The following TMTC2 variants were observed in gnomAD, a reference collection of about 807,000 sequenced individuals.
TMTC2 encodes protein O-mannosyl-transferase TMTC2.
A neutral mutation model predicts 82.4 loss-of-function variants in TMTC2; 43 were observed. The observed-to-expected ratio is 0.52, with a 90% confidence interval of 0.41 to 0.67. The LOEUF is 0.67. Ranked by LOEUF, TMTC2 falls within the 30% of genes least tolerant of loss-of-function variation. The pLI is 0.00. For missense variants in TMTC2, 919 were observed against 1,012.4 expected (o/e 0.91, Z 1.25); for synonymous variants, 408 against 381.9 (o/e 1.07, Z -0.80).
chr12:82,930,392 T>A (rs1875963075), intron 3 of TMTC2, 39 bp from the exon 4 acceptor site: 5 of 1,240,994 alleles, frequency 4.0e-6, no homozygotes, highest in Non-Finnish European at 5.8e-6. Flanking sequence ...TATAATTGGA[T>A]TGATGCTCAG....
chr12:82,875,846 A>G (rs1040820210), intron 2 of TMTC2, among the ~76,000 whole-genome samples: 16 of 149,144 alleles, frequency 1.1e-4, no homozygotes, highest in African/African-American at 3.7e-4. Flanking sequence ...AGATTTATTC[A>G]TTGCTCTTAG....
chr12:82,712,301 G>C (rs557713016), intron 1 of TMTC2, among the ~76,000 whole-genome samples: 1 of 151,968 alleles, frequency 6.6e-6, no homozygotes, highest in African/African-American at 2.4e-5. Flanking sequence ...GTGGTGGCAC[G>C]CGCCTGTAAT....
At chr12:82,810,793 T>A (rs905153314) in intron 1 of TMTC2, among the ~76,000 whole-genome samples, 28 of 152,048 alleles carry the variant, frequency 1.8e-4, no homozygotes, top group Admixed American at 1.6e-3. Context: ...TCTCACAAGA[T>A]CTGATGGTTT....
chr12:82,786,822 A>G (rs755058158), intron 1 of TMTC2, among the ~76,000 whole-genome samples: 1 of 152,230 alleles, frequency 6.6e-6, no homozygotes, highest in Middle Eastern at 3.4e-3. Context: ...TGTACTAGGG[A>G]TCTTACAATA....
chr12:83,051,223 G>A (rs1882333519), intron 10 of TMTC2, among the ~76,000 whole-genome samples: 1 of 152,142 alleles, frequency 6.6e-6, no homozygotes, highest in African/African-American at 2.4e-5. Context: ...TGTGATCCAG[G>A]ACAGCTTTGA....
chr12:83,115,755 A>G (rs933039662), intron 11 of TMTC2, among the ~76,000 whole-genome samples: 11 of 152,182 alleles, frequency 7.2e-5, no homozygotes, highest in African/African-American at 2.7e-4. Flanking sequence ...TCACCCGGGC[A>G]GTATACACTG....
intron 6 of TMTC2, chr12:82,966,070 A>T (rs1008300500): frequency 1.4e-4 from 44 of 306,014 alleles, no homozygotes; most frequent in South Asian, 6.7e-4. Flanking sequence ...TTCTTTGCTC[A>T]CCATTTCTTT....
chr12:82,746,434 G>A (rs898575865), intron 1 of TMTC2, among the ~76,000 whole-genome samples: 11 of 152,250 alleles, frequency 7.2e-5, no homozygotes, highest in African/African-American at 2.6e-4. Context: ...TTTATGGGAT[G>A]CATCATATTT....
intron 1 of TMTC2, among the ~76,000 whole-genome samples, chr12:82,688,693 T>C (rs2136879045): frequency 6.6e-6 from 1 of 152,304 alleles, no homozygotes; most frequent in South Asian, 2.1e-4. Flanking sequence ...CCATTGAAAT[T>C]AAACCATCCA....
chr12:82,698,299 T>G (rs1393697198), intron 1 of TMTC2, among the ~76,000 whole-genome samples: 1 of 152,202 alleles, frequency 6.6e-6, no homozygotes, highest in African/African-American at 2.4e-5. Flanking sequence ...GTTTTAGTCT[T>G]GGAATACCAC....
intron 11 of TMTC2, among the ~76,000 whole-genome samples, chr12:83,084,046 G>A (rs1240503597): frequency 6.6e-6 from 1 of 152,172 alleles, no homozygotes; most frequent in Non-Finnish European, 1.5e-5. Context: ...CCATCTCTCT[G>A]TGTGAGTATG....
intron 2 of TMTC2, among the ~76,000 whole-genome samples, chr12:82,866,475 G>A (rs930835580): frequency 9.9e-5 from 15 of 152,074 alleles, no homozygotes; most frequent in Non-Finnish European, 2.1e-4. Flanking sequence ...TCAATACTCC[G>A]TCAGTGAAAA....
chr12:82,772,042 T>C (rs1488113233), intron 1 of TMTC2, among the ~76,000 whole-genome samples: 3 of 152,170 alleles, frequency 2.0e-5, no homozygotes, highest in Non-Finnish European at 2.9e-5. Context: ...GATATTTAGA[T>C]GTGTGTGTGT....
intron 4 of TMTC2, among the ~76,000 whole-genome samples, chr12:82,936,096 AATAAT>A (rs1876302308): frequency 6.6e-6 from 1 of 152,040 alleles, no homozygotes; most frequent in South Asian, 2.1e-4. Flanking sequence ...ATAAAACACT[AATAAT>A]ATATATGAAA....
chr12:82,821,399 C>T (rs914850671), intron 1 of TMTC2, among the ~76,000 whole-genome samples: 1 of 152,090 alleles, frequency 6.6e-6, no homozygotes, highest in South Asian at 2.1e-4. Context: ...ATTATCAACT[C>T]ATGTTGGTAA....
chr12:82,766,892 G>A (rs543005034), intron 1 of TMTC2, among the ~76,000 whole-genome samples: 73 of 152,190 alleles, frequency 4.8e-4, no homozygotes, highest in African/African-American at 1.7e-3. Flanking sequence ...TCTGCCTCCC[G>A]GGTTCAAGCA....
intron 2 of TMTC2, among the ~76,000 whole-genome samples, chr12:82,889,019 G>T (rs537626928): frequency 6.6e-6 from 1 of 152,058 alleles, no homozygotes; most frequent in Admixed American, 6.6e-5. Flanking sequence ...TGGCTCACAC[G>T]TGTAATCCCA....
intron 11 of TMTC2, among the ~76,000 whole-genome samples, chr12:83,116,371 A>C (rs1884762927): frequency 6.6e-6 from 1 of 152,164 alleles, no homozygotes. Context: ...ATGTTTTTGC[A>C]ATTGCAAATT....
chr12:82,821,199 C>T (rs1026114986), intron 1 of TMTC2, among the ~76,000 whole-genome samples: 1 of 152,146 alleles, frequency 6.6e-6, no homozygotes, highest in East Asian at 1.9e-4. Context: ...AATATCACCT[C>T]GTTTGTTTTG....
Sources: allele counts gnomAD v4.1 joint callset (sites outside exome capture counted in the v4.1 genomes callset), GRCh38; gene constraint gnomAD v4.1.1; transcripts MANE v1.5; gene names NCBI Gene and HGNC (gene_info 2026-07-23, HGNC 2026-07-21).